Variants in PDE1A observed in about 807,000 individuals in gnomAD.
PDE1A encodes the protein phosphodiesterase 1A.
PDE1A carries 35 observed loss-of-function variants against 61.7 expected under a neutral mutation model. The ratio of observed to expected loss-of-function variants is 0.57; its 90% CI spans 0.43 to 0.75. PDE1A has a LOEUF of 0.75. PDE1A is among the 30% of genes least tolerant of loss of function. The pLI is 0.00. For missense variants in PDE1A, 597 were observed against 630.6 expected, an observed-to-expected ratio of 0.95 and a Z score of 0.57; for synonymous variants, 232 against 213.2, an observed-to-expected ratio of 1.09 and a Z score of -0.77.
At chr2:182,566,077 G>T in the PDE1A span, among the ~76,000 whole-genome samples, 8,176 of 152,124 alleles carry the variant, frequency 0.054, 269 homozygotes, top group Middle Eastern at 0.092. Context: ...TTCAAGGGTG[G>T]TTCAAGGTAG....
chr2:182,322,592 C>T (rs1696766846), intron 1 of PDE1A, among the ~76,000 whole-genome samples: 1 of 152,158 alleles, frequency 6.6e-6, no homozygotes, highest in Admixed American at 6.6e-5. Flanking sequence ...TCAGAAGTTT[C>T]TTCATAGCAG....
chr2:182,360,534 T>G (rs1384977432), intron 1 of PDE1A, among the ~76,000 whole-genome samples: 22 of 151,376 alleles, frequency 1.5e-4, no homozygotes, highest in East Asian at 7.7e-4. Flanking sequence ...TTAGTGTTTT[T>G]TTTTTTTTTT....
At chr2:182,186,327 A>T (rs1228712597) in intron 12 of PDE1A, 141 bp downstream of exon 12, 4 of 997,520 alleles carry the variant, frequency 4.0e-6, no homozygotes, top group Admixed American at 2.6e-5. Flanking sequence ...GATGCAATAT[A>T]ATATAAAGCC....
At chr2:182,618,891 C>A in the PDE1A span, among the ~76,000 whole-genome samples, 1 of 152,088 alleles carries the variant, frequency 6.6e-6, no homozygotes, top group East Asian at 1.9e-4. Context: ...CAAAGAAAGT[C>A]TCTGTTCTGA....
intron 10 of PDE1A, among the ~76,000 whole-genome samples, chr2:182,189,434 C>T (rs1485068207): frequency 2.0e-5 from 3 of 152,098 alleles, no homozygotes; most frequent in African/African-American, 7.2e-5. Flanking sequence ...TTTATTTATG[C>T]CAAGTATATC....
At chr2:182,626,814 C>T in the PDE1A span, among the ~76,000 whole-genome samples, 11 of 17,892 alleles carry the variant, frequency 6.1e-4, 1 homozygote, top group South Asian at 0.011. Flanking sequence ...TATATATATA[C>T]ATATATATAT....
the PDE1A span, among the ~76,000 whole-genome samples, chr2:182,615,631 A>C: frequency 6.6e-6 from 1 of 152,138 alleles, no homozygotes; most frequent in Admixed American, 6.5e-5. Context: ...AAGACTGGGT[A>C]ATTTATAAAG....
chr2:182,399,615 A>G (rs1181890730), intron 1 of PDE1A, among the ~76,000 whole-genome samples: 2 of 152,104 alleles, frequency 1.3e-5, no homozygotes, highest in East Asian at 1.9e-4. Context: ...TTCAACTTAT[A>G]CAAGTATTTA....
exon 9 of PDE1A, chr2:182,201,692 C>T (rs766619813): frequency 6.9e-6 from 11 of 1,590,492 alleles, no homozygotes; most frequent in Non-Finnish European, 9.4e-6. Context: ...ACCTACCCTT[C>T]AGGCTGCTGC....
At chr2:182,692,012 A>C in the PDE1A span, among the ~76,000 whole-genome samples, 6 of 152,356 alleles carry the variant, frequency 3.9e-5, no homozygotes, top group South Asian at 1.2e-3. Flanking sequence ...ATCATTAAAA[A>C]GTCAGGAAAC....
At position 182,454,024 on chromosome 2, in the gene PDE1A, G is replaced by A. The variant is rs1461757583; in HGVS notation, c.101+68252C>T. ...GACTGTATATCTAGAAAACCCCATT[G>A]TCTCAGCCCCAAATCTCCTTAAGCT... On this transcript the variant is annotated intron_variant, in intron 2 of 14. Transcript: ENST00000410103. 2.0e-3 allele frequency among the ~76,000 whole-genome samples: 305 copies of A among 152,032 alleles called. 3 individuals carry two copies. The highest frequency in any genetic ancestry group is 5.3e-3 in the Admixed American group (81 of 15,246).
chr2:182,558,074 A>C, the PDE1A span, among the ~76,000 whole-genome samples: 3 of 152,220 alleles, frequency 2.0e-5, no homozygotes, highest in African/African-American at 2.4e-5. Flanking sequence ...ATATTCTTAT[A>C]ACAGTTTGAG....
At chr2:182,361,238 T>C (rs943617938) in intron 1 of PDE1A, among the ~76,000 whole-genome samples, 11 of 152,082 alleles carry the variant, frequency 7.2e-5, no homozygotes, top group African/African-American at 1.2e-4. Context: ...CATGTGTACA[T>C]AGTACATGTG....
chr2:182,625,352 G>A, the PDE1A span, among the ~76,000 whole-genome samples: 1 of 152,206 alleles, frequency 6.6e-6, no homozygotes, highest in Non-Finnish European at 1.5e-5. Flanking sequence ...AGTACAAGAT[G>A]TTCTGGTGCT....
chr2:182,150,524 A>G (rs1414489984), intron 13 of PDE1A, among the ~76,000 whole-genome samples: 1 of 152,236 alleles, frequency 6.6e-6, no homozygotes, highest in East Asian at 1.9e-4. Flanking sequence ...AAGAAATTGC[A>G]TATAAACTTG....
At chr2:182,390,592 G>C (rs927279856) in intron 1 of PDE1A, among the ~76,000 whole-genome samples, 1 of 152,142 alleles carries the variant, frequency 6.6e-6, no homozygotes, top group South Asian at 2.1e-4. Flanking sequence ...ACTGACCTGA[G>C]TGAGTCTTAC....
At chr2:182,381,657 C>G (rs6719467) in intron 1 of PDE1A, among the ~76,000 whole-genome samples, 1 of 151,952 alleles carries the variant, frequency 6.6e-6, no homozygotes, top group South Asian at 2.1e-4. Context: ...AATAAAAATA[C>G]AAAACTTAGC....
At chr2:182,236,346 G>GTT (rs201533399) in intron 3 of PDE1A, among the ~76,000 whole-genome samples, 28 of 141,498 alleles carry the variant, frequency 2.0e-4, no homozygotes, top group South Asian at 6.7e-4. Context: ...ATACTCAGGT[G>GTT]TTTTTTTTTT....
At chr2:182,568,659 C>T in the PDE1A span, among the ~76,000 whole-genome samples, 2 of 151,812 alleles carry the variant, frequency 1.3e-5, no homozygotes, top group African/African-American at 4.8e-5. Flanking sequence ...AGTGAGACGC[C>T]GTCTCAAAAA....
Sources: gnomAD v4.1 joint callset for allele counts (sites outside exome capture counted in the v4.1 genomes callset) on GRCh38, gnomAD v4.1.1 for gene constraint, MANE v1.5 for transcripts, NCBI Gene and HGNC (gene_info 2026-07-23, HGNC 2026-07-21) for gene names.